OPCML: variants seen among roughly 807,000 people sequenced by gnomAD.
OPCML encodes the protein opioid-binding protein/cell adhesion molecule.
Under a neutral mutation model 37.8 loss-of-function variants are expected in OPCML, and 13 were observed. The observed-to-expected ratio is 0.34, with a 90% CI of 0.22 to 0.55. The LOEUF is 0.55. Among genes scored for constraint, OPCML ranks in the 20% least tolerant of loss-of-function variants. OPCML has a pLI of 0.91. For synonymous variants in OPCML, 176 were observed against 168.8 expected (o/e 1.04, Z -0.33); for missense variants, 341 against 435.6 (o/e 0.78, Z 1.93).
intron 1 of OPCML, among the ~76,000 whole-genome samples, chr11:132,991,558 G>T (rs1465510035): frequency 6.6e-6 from 1 of 152,158 alleles, no homozygotes; most frequent in Non-Finnish European, 1.5e-5. Context: ...ATTTGAAAGG[G>T]CTCTACGGTG....
At chr11:133,358,040 C>T (rs937819296) in intron 1 of OPCML, among the ~76,000 whole-genome samples, 2 of 152,212 alleles carry the variant, frequency 1.3e-5, no homozygotes, top group Admixed American at 1.3e-4. Flanking sequence ...CCCAGCCTTT[C>T]CAAAGGCATT....
At chr11:132,617,837 C>A (rs544418911) in intron 3 of OPCML, among the ~76,000 whole-genome samples, 1 of 152,204 alleles carries the variant, frequency 6.6e-6, no homozygotes. Context: ...CAGATTGAGG[C>A]CCTAACCTTA....
intron 2 of OPCML, among the ~76,000 whole-genome samples, chr11:132,769,942 G>T (rs1031934510): frequency 2.0e-5 from 3 of 152,138 alleles, no homozygotes; most frequent in Non-Finnish European, 4.4e-5. Context: ...TGTTCACACA[G>T]GCATCATGGG....
chr11:133,311,830 G>C (rs1051771476), intron 1 of OPCML, among the ~76,000 whole-genome samples: 2 of 152,186 alleles, frequency 1.3e-5, no homozygotes, highest in Non-Finnish European at 2.9e-5. Context: ...GACACAAGGA[G>C]ACAAGCTATG....
chr11:133,271,804 T>G lies in OPCML; in HGVS notation c.61+260460A>C, dbSNP rs1941845069. Among the ~76,000 whole-genome samples, 2 of 152,224 alleles carry G rather than the reference T, an allele frequency of 1.3e-5. 1 individual carries two copies. The highest frequency in any genetic ancestry group is 1.3e-4 in the Admixed American group (2 of 15,278). Reference sequence around the variant, plus strand: ...AGGCAGCATTGAATCCAAAATGACTTTCTCATTCATTTGTTTGTGCACTGA... The same window carrying G: ...AGGCAGCATTGAATCCAAAATGACTGTCTCATTCATTTGTTTGTGCACTGA... On this transcript the variant is annotated intron_variant, in intron 1 of 7. Transcript: ENST00000524381.
rs112512554 is a variant in OPCML at position 133,291,126 on chromosome 11, C to T, written c.61+241138G>A. Among the ~76,000 whole-genome samples the T allele has an allele frequency of 8.2e-3, 1,245 of 152,362 alleles. 16 individuals are homozygous for T. Among genetic ancestry groups the T allele is most frequent in the South Asian group, 0.046 (220 of 4,830 alleles). On this transcript the variant is annotated intron_variant, in intron 1 of 7. Coordinates refer to ENST00000524381, the MANE Select transcript of OPCML (RefSeq NM_001012393.5). ...GCCACGCACAGCTCAATGCCCAAGG[C>T]TGTGTCATAAGACAAAAACCTGGGT...
At chr11:133,342,953 A>G (rs1943908997) in intron 1 of OPCML, among the ~76,000 whole-genome samples, 1 of 152,198 alleles carries the variant, frequency 6.6e-6, no homozygotes, top group African/African-American at 2.4e-5. Context: ...CCCACACTGC[A>G]GTGCAGTGGC....
At chr11:133,288,752 G>A (rs575068964) in intron 1 of OPCML, among the ~76,000 whole-genome samples, 2 of 152,274 alleles carry the variant, frequency 1.3e-5, no homozygotes, top group South Asian at 4.2e-4. Context: ...AATCTCCCAG[G>A]TGATTCTAAT....
chr11:132,664,417 T>C (rs1942134374), intron 2 of OPCML, among the ~76,000 whole-genome samples: 1 of 152,204 alleles, frequency 6.6e-6, no homozygotes, highest in Non-Finnish European at 1.5e-5. Flanking sequence ...GAATTTACTT[T>C]TTTAATACAT....
At chr11:132,999,250 A>C (rs1263977888) in intron 1 of OPCML, among the ~76,000 whole-genome samples, 4 of 151,412 alleles carry the variant, frequency 2.6e-5, no homozygotes, top group Non-Finnish European at 5.9e-5. Flanking sequence ...TTCAGATCTC[A>C]CCCTCCCCAG....
intron 2 of OPCML, among the ~76,000 whole-genome samples, chr11:132,899,881 G>T (rs1943986597): frequency 6.6e-6 from 1 of 152,150 alleles, no homozygotes; most frequent in Admixed American, 6.5e-5. Context: ...AGAACTCCAG[G>T]CTCTCTCGCC....
intron 3 of OPCML, among the ~76,000 whole-genome samples, chr11:132,594,902 T>C (rs181950894): frequency 1.3e-5 from 2 of 152,360 alleles, no homozygotes; most frequent in African/African-American, 2.4e-5. Context: ...ATATGATGTT[T>C]CTTATCACTC....
In OPCML at chr11:132,494,167, G is replaced by A. The variant is rs1017647191; in HGVS notation, c.505+34894C>T. Among the ~76,000 whole-genome samples the A allele has an allele frequency of 2.0e-5, 3 of 152,272 alleles. 1 individual carries two copies. Among genetic ancestry groups the A allele is most frequent in the Admixed American group, 6.5e-5 (1 of 15,292 alleles). Reference sequence around the variant, plus strand: ...TTCCATTCAAATCCAAGAAGTTGTTGTCAATAATACTTTTGTAAATGCAAG... The same window carrying A: ...TTCCATTCAAATCCAAGAAGTTGTTATCAATAATACTTTTGTAAATGCAAG... On this transcript the variant is annotated intron_variant, in intron 4 of 7. Coordinates refer to ENST00000524381, the MANE Select transcript of OPCML (RefSeq NM_001012393.5).
rs141333534 is a variant in OPCML at position 132,436,716 on chromosome 11, C to T, written c.707G>A (p.Ser236Asn). The T allele has an allele frequency of 1.2e-3, 1,949 of 1,614,176 alleles. 1 individual carries two copies. The highest frequency in any genetic ancestry group is 1.5e-3 in the Non-Finnish European group (1,738 of 1,180,036). Reference protein sequence around the residue: ...GVSVGQKGILSCEASAVPMAE... With the variant: ...GVSVGQKGILNCEASAVPMAE... Reference sequence around the variant, plus strand: ...CATGGGGACTGCAGAGGCTTCACAGCTCAGGATGCCCTTCTGACCGACTGA... The same window carrying T: ...CATGGGGACTGCAGAGGCTTCACAGTTCAGGATGCCCTTCTGACCGACTGA... Residue 236 changes from serine (S) to asparagine (N), a missense_variant, in exon 6 of 8, where the codon AGC becomes AAC. Ser to Asn is a conservative substitution (Grantham distance 46). Coordinates refer to ENST00000524381, the MANE Select transcript of OPCML (RefSeq NM_001012393.5).
intron 2 of OPCML, among the ~76,000 whole-genome samples, chr11:132,849,760 G>T (rs1941715120): frequency 6.6e-6 from 1 of 152,156 alleles, no homozygotes; most frequent in Non-Finnish European, 1.5e-5. Context: ...TTCACAGCTG[G>T]CAAGGAAGGC....
chr11:133,095,175 G>T (rs1308750055), intron 1 of OPCML, among the ~76,000 whole-genome samples: 1 of 148,050 alleles, frequency 6.8e-6, no homozygotes, highest in African/African-American at 2.5e-5. Context: ...ACAATAAATT[G>T]TATGCTCATC....
intron 1 of OPCML, among the ~76,000 whole-genome samples, chr11:132,951,229 G>A (rs1179820887): frequency 6.6e-6 from 1 of 152,168 alleles, no homozygotes; most frequent in Non-Finnish European, 1.5e-5. Context: ...GTCAGCTCAG[G>A]CTGCCATAAC....
chr11:133,098,455 T>C lies in OPCML; in HGVS notation c.62-155445A>G, dbSNP rs765180703. Among the ~76,000 whole-genome samples the C allele has an allele frequency of 2.5e-4, 38 of 152,092 alleles. 1 individual carries two copies. The highest frequency in any genetic ancestry group is 4.1e-4 in the Non-Finnish European group (28 of 68,006). ...TGGTCTCGGTTTCCTGACCTCATGATCCGCTCGCCTCAGCCTCCCAAAGTG... is the reference window on the plus strand; with the variant it reads ...TGGTCTCGGTTTCCTGACCTCATGACCCGCTCGCCTCAGCCTCCCAAAGTG... On this transcript the variant is annotated intron_variant, in intron 1 of 7. Transcript: ENST00000524381.
chr11:132,759,617 G>A (rs558561708), intron 2 of OPCML, among the ~76,000 whole-genome samples: 1 of 152,218 alleles, frequency 6.6e-6, no homozygotes, highest in East Asian at 1.9e-4. Context: ...TCTGATGGTA[G>A]TTTGTGTTTC....
Sources: allele counts gnomAD v4.1 joint callset (sites outside exome capture counted in the v4.1 genomes callset), GRCh38; gene constraint gnomAD v4.1.1; transcripts MANE v1.5; gene names NCBI Gene and HGNC (gene_info 2026-07-23, HGNC 2026-07-21).